The following TLE4 variants were observed in gnomAD, a reference collection of about 807,000 sequenced individuals.
TLE4 encodes the protein TLE family member 4, transcriptional corepressor.
TLE4 carries 8 observed loss-of-function variants against 92.8 expected under a neutral mutation model. That is an observed-to-expected ratio of 0.09 (90% CI 0.05 to 0.16). The LOEUF (loss-of-function observed/expected upper bound fraction) is 0.16. Ranked by LOEUF, TLE4 falls within the 10% of genes least tolerant of loss-of-function variation. The probability of loss-of-function intolerance (pLI) is 1.00; values close to 1 mark genes in which losing one functional copy is unlikely to be tolerated. For missense variants in TLE4, 675 were observed against 997.6 expected (o/e 0.68, Z 4.36); for synonymous variants, 371 against 374.1 (o/e 0.99, Z 0.10).
chr9:79,579,453 C>T (rs537009281), intron 4 of TLE4, among the ~76,000 whole-genome samples: 64 of 152,256 alleles, frequency 4.2e-4, no homozygotes, highest in Middle Eastern at 3.4e-3. Context: ...CCTATAGGAA[C>T]TATATGGAGA....
Position 79,586,734 on chromosome 9 carries a change from C to T in TLE4, c.252+10557C>T, listed in dbSNP as rs191715316. ...CCTTTTGGAGTTTATAAATCAAAGA[C>T]ACAGTAGAGATCAAGTTCCTTCATT... On this transcript the variant is annotated intron_variant, in intron 4 of 19. Transcript: ENST00000376552. Among the ~76,000 whole-genome samples, 74 of 152,280 alleles carry T rather than the reference C, an allele frequency of 4.9e-4. 1 individual carries two copies. Among genetic ancestry groups the T allele is most frequent in the Admixed American group, 2.0e-3 (30 of 15,300 alleles).
chr9:79,649,947 A>C (rs1247624479), intron 6 of TLE4: 1 of 1,184,604 alleles, frequency 8.4e-7, no homozygotes, highest in Non-Finnish European at 1.1e-6. Context: ...ACAGGGTTTC[A>C]CTCTGTCACA....
intron 8 of TLE4, among the ~76,000 whole-genome samples, chr9:79,666,220 T>C: frequency 2.3e-5 from 1 of 43,816 alleles, no homozygotes; most frequent in African/African-American, 5.3e-5. Flanking sequence ...TTTTTTTGTT[T>C]TTTTTTTTTT....
At chr9:79,706,364 T>C (rs2071563828) in intron 10 of TLE4, among the ~76,000 whole-genome samples, 1 of 152,106 alleles carries the variant, frequency 6.6e-6, no homozygotes, top group Non-Finnish European at 1.5e-5. Flanking sequence ...ATAAAAATTA[T>C]GTACTACTGA....
At chr9:79,665,374 C>T (rs1457553219) in intron 8 of TLE4, among the ~76,000 whole-genome samples, 1 of 152,194 alleles carries the variant, frequency 6.6e-6, no homozygotes, top group Non-Finnish European at 1.5e-5. Context: ...TCCTTCAAAT[C>T]ATGTTCCTGT....
In TLE4 at chr9:79,572,141, T is replaced by C. The variant is rs562437240; in HGVS notation, c.-650T>C. 1 of 149,150 alleles carries C rather than the reference T, an allele frequency of 6.7e-6. No individual in the cohort carries two copies. Among genetic ancestry groups the C allele is most frequent in the Non-Finnish European group, 1.5e-5 (1 of 67,154 alleles). The allele number at this position is 149,150 out of a possible 1,614,324, so 9.2% of individuals were successfully genotyped here. On this transcript the variant is annotated 5_prime_UTR_variant, in exon 1 of 20. Coordinates refer to ENST00000376552, the MANE Select transcript of TLE4 (RefSeq NM_007005.6). The stretch of plus-strand genomic sequence containing the variant: ...CTTTTATTTTTATAATCCCCTTCAA[T>C]TTGGGGTTAAAAAAAAGACAAGAAA...
chr9:79,605,827 C>T (rs1385590732), intron 4 of TLE4, among the ~76,000 whole-genome samples: 1 of 152,054 alleles, frequency 6.6e-6, no homozygotes, highest in Admixed American at 6.6e-5. Flanking sequence ...ACTTAACATG[C>T]AGTAAAATAG....
At chr9:79,577,322 A>T (rs532591219) in intron 4 of TLE4, among the ~76,000 whole-genome samples, 1 of 152,320 alleles carries the variant, frequency 6.6e-6, no homozygotes, top group South Asian at 2.1e-4. Flanking sequence ...ACAATAAGGC[A>T]ATCTGATGAA....
chr9:79,577,009 T>C (rs2038041007), intron 4 of TLE4, among the ~76,000 whole-genome samples: 1 of 151,932 alleles, frequency 6.6e-6, no homozygotes, highest in African/African-American at 2.4e-5. Context: ...TGTTTGGCGA[T>C]AGTAATTCCT....
At chr9:79,723,178 A>G in intron 19 of TLE4, 143 bp downstream of exon 19, 1 of 776,430 alleles carries the variant, frequency 1.3e-6, no homozygotes, top group South Asian at 1.8e-5. Flanking sequence ...ACTGTGTCCA[A>G]GGAGAGGTTA....
chr9:79,721,945 T>C (rs2075709992), intron 17 of TLE4, 57 bp downstream of exon 17: 1 of 1,568,272 alleles, frequency 6.4e-7, no homozygotes, highest in African/African-American at 1.4e-5. Context: ...GGTGGGCGGA[T>C]CACCAGGTCA....
chr9:79,585,016 A>G (rs1032302647), intron 4 of TLE4, among the ~76,000 whole-genome samples: 81 of 152,314 alleles, frequency 5.3e-4, no homozygotes, highest in Non-Finnish European at 8.5e-4. Flanking sequence ...ATGTGGAGCA[A>G]TATCGATCTT....
intron 8 of TLE4, among the ~76,000 whole-genome samples, chr9:79,659,694 C>G (rs1247816249): frequency 1.3e-5 from 2 of 152,256 alleles, no homozygotes; most frequent in South Asian, 2.1e-4. Context: ...GATTAAGACT[C>G]TTCCCCTCAA....
chr9:79,691,083 A>G (rs921471698), intron 8 of TLE4, among the ~76,000 whole-genome samples: 1 of 152,110 alleles, frequency 6.6e-6, no homozygotes, highest in Non-Finnish European at 1.5e-5. Context: ...TTTATATCCT[A>G]ATGTCTCAGA....
intron 4 of TLE4, among the ~76,000 whole-genome samples, chr9:79,582,179 A>C (rs1257511293): frequency 6.6e-6 from 1 of 152,202 alleles, no homozygotes; most frequent in African/African-American, 2.4e-5. Context: ...TTTGTAGTTT[A>C]GAAAGAGGTT....
chr9:79,645,049 G>A (rs1048332363), intron 6 of TLE4, among the ~76,000 whole-genome samples: 1 of 152,132 alleles, frequency 6.6e-6, no homozygotes, highest in African/African-American at 2.4e-5. Context: ...TCCTGAAAAT[G>A]TTTTTTGAAA....
intron 4 of TLE4, among the ~76,000 whole-genome samples, chr9:79,594,553 C>T (rs1474697511): frequency 1.3e-5 from 2 of 151,272 alleles, no homozygotes; most frequent in Non-Finnish European, 2.9e-5. Context: ...TGAAACAATT[C>T]CTCATATTGA....
chr9:79,616,439 C>G (rs1165081835), intron 5 of TLE4, among the ~76,000 whole-genome samples: 1 of 152,178 alleles, frequency 6.6e-6, no homozygotes, highest in African/African-American at 2.4e-5. Context: ...GTGGGATTAA[C>G]TACAGTAGCA....
At chr9:79,724,180 T>C (rs936348379) in intron 19 of TLE4, among the ~76,000 whole-genome samples, 1 of 152,108 alleles carries the variant, frequency 6.6e-6, no homozygotes, top group Admixed American at 6.5e-5. Context: ...TTTTTTTTTT[T>C]TTAATGTATT....
Sources: allele counts gnomAD v4.1 joint callset (sites outside exome capture counted in the v4.1 genomes callset), GRCh38; gene constraint gnomAD v4.1.1; transcripts MANE v1.5; gene names NCBI Gene and HGNC (gene_info 2026-07-23, HGNC 2026-07-21).